FBXL20: variants seen among roughly 807,000 people sequenced by gnomAD.
FBXL20 encodes the protein F-box/LRR-repeat protein 20.
In FBXL20, 11 loss-of-function variants were observed where a neutral mutation model predicts 64.0. The observed-to-expected ratio is 0.17, with a 90% CI of 0.11 to 0.28. FBXL20 has a LOEUF of 0.28. Ranked by LOEUF, FBXL20 falls within the 10% of genes least tolerant of loss-of-function variation. FBXL20 has a pLI of 1.00. For missense variants in FBXL20, 303 were observed against 526.2 expected (o/e 0.58, Z 4.15); for synonymous variants, 184 against 189.0 (o/e 0.97, Z 0.22).
intron 7 of FBXL20, among the ~76,000 whole-genome samples, 183 bp from the exon 8 acceptor site, chr17:39,283,038 A>G (rs1168161135): frequency 6.6e-6 from 1 of 152,228 alleles, no homozygotes; most frequent in East Asian, 1.9e-4. Flanking sequence ...GGACTATACC[A>G]TTAGCAGGAA....
chr17:39,390,744 GATAA>G (rs764148072), intron 1 of FBXL20, among the ~76,000 whole-genome samples: 11 of 151,962 alleles, frequency 7.2e-5, no homozygotes, highest in Non-Finnish European at 1.6e-4. Flanking sequence ...AACTGAGTCA[GATAA>G]ATAAAGAGGT....
At chr17:39,304,627 T>C (rs1207820467) in intron 2 of FBXL20, among the ~76,000 whole-genome samples, 1 of 152,126 alleles carries the variant, frequency 6.6e-6, no homozygotes, top group East Asian at 1.9e-4. Flanking sequence ...GTCTTGCTCC[T>C]GTCACCCAGG....
At chr17:39,401,021 A>G (rs1014690505) in intron 1 of FBXL20, among the ~76,000 whole-genome samples, 12 of 152,224 alleles carry the variant, frequency 7.9e-5, no homozygotes, top group Non-Finnish European at 1.6e-4. Context: ...GCTCTGGTGG[A>G]CCGGAGCCGT....
Position 39,285,632 on chromosome 17 carries a change from A to G in FBXL20, c.399-59T>C. ...AACAAGACAAGTACACATCCTTGGT[A>G]TATCAGACACTGTTCTTATTAAACA... is the stretch of plus-strand genomic sequence containing the variant. On this transcript the variant is annotated intron_variant, in intron 6 of 14. Transcript: ENST00000264658. 3.6e-6 allele frequency: 4 copies of G among 1,119,054 alleles called. No homozygotes were observed. In the South Asian group the frequency reaches 4.6e-5, roughly 13 times the overall value. 69.3% of individuals were successfully genotyped at this position (1,119,054 alleles called of 1,614,324 possible).
chr17:39,341,354 C>A lies in FBXL20; in HGVS notation c.104+1826G>T, dbSNP rs368299678. Among the ~76,000 whole-genome samples the A allele has an allele frequency of 8.0e-4, 122 of 152,232 alleles. 1 individual carries two copies. Among genetic ancestry groups the A allele is most frequent in the African/African-American group, 2.9e-3 (119 of 41,540 alleles). On this transcript the variant is annotated intron_variant, in intron 2 of 14. Coordinates refer to ENST00000264658, the MANE Select transcript of FBXL20 (RefSeq NM_032875.3). Reference sequence around the variant, plus strand: ...ATATAAGAGTTATTCCAATATAACACATATAAATCCAAATCAAGCTCTCAA... The same window carrying A: ...ATATAAGAGTTATTCCAATATAACAAATATAAATCCAAATCAAGCTCTCAA...
chr17:39,353,595 A>G (rs529343094), intron 1 of FBXL20, among the ~76,000 whole-genome samples: 1 of 129,578 alleles, frequency 7.7e-6, no homozygotes, highest in African/African-American at 2.8e-5. Flanking sequence ...GGAGACCACT[A>G]CACCTTATTT....
At chr17:39,281,083 T>G (rs2046946179) in intron 9 of FBXL20, among the ~76,000 whole-genome samples, 1 of 152,224 alleles carries the variant, frequency 6.6e-6, no homozygotes, top group Non-Finnish European at 1.5e-5. Context: ...TTTTAAATAC[T>G]AAACTTGTGA....
At chr17:39,387,140 GTGA>G (rs1321359260) in intron 1 of FBXL20, among the ~76,000 whole-genome samples, 5 of 152,150 alleles carry the variant, frequency 3.3e-5, no homozygotes, top group Non-Finnish European at 5.9e-5. Flanking sequence ...TAAGTTACAT[GTGA>G]TATTTAACAT....
At chr17:39,371,671 T>C (rs2047919865) in intron 1 of FBXL20, among the ~76,000 whole-genome samples, 1 of 151,948 alleles carries the variant, frequency 6.6e-6, no homozygotes, top group Non-Finnish European at 1.5e-5. Flanking sequence ...TTTCTTTTTT[T>C]TTTTTTTGAG....
chr17:39,318,812 CTCT>C lies in FBXL20; in HGVS notation c.105-15176_105-15174del, dbSNP rs1184069912. On this transcript the variant is annotated intron_variant, in intron 2 of 14. Transcript: ENST00000264658. Reference sequence around the variant, plus strand: ...GCTGAAATAGTTCATAAGCAACTTCCTCTTCTTCTTAAATAAACCCAGAAACTC... The same window carrying C: ...GCTGAAATAGTTCATAAGCAACTTCCTCTTCTTAAATAAACCCAGAAACTC... Among the ~76,000 whole-genome samples, 7 of 152,094 alleles carry C rather than the reference CTCT, an allele frequency of 4.6e-5. No homozygotes were observed. The South Asian group carries it at 1.2e-3, about 27-fold the overall frequency.
intron 1 of FBXL20, among the ~76,000 whole-genome samples, chr17:39,396,339 T>C (rs2048182684): frequency 6.6e-6 from 1 of 152,128 alleles, no homozygotes; most frequent in Non-Finnish European, 1.5e-5. Flanking sequence ...CTCACATCTG[T>C]AATCCCAGCA....
At chr17:39,275,919 G>C (rs2046886415) in intron 9 of FBXL20, among the ~76,000 whole-genome samples, 1 of 152,018 alleles carries the variant, frequency 6.6e-6, no homozygotes, top group Non-Finnish European at 1.5e-5. Flanking sequence ...AGATAAAAGA[G>C]TTGTATCTAA....
intron 1 of FBXL20, among the ~76,000 whole-genome samples, chr17:39,392,187 C>A (rs907113500): frequency 2.6e-5 from 4 of 152,054 alleles, no homozygotes; most frequent in Non-Finnish European, 4.4e-5. Flanking sequence ...TGCCTATAAT[C>A]CCAGCACTTT....
At chr17:39,336,654 T>C (rs2144554287) in intron 2 of FBXL20, among the ~76,000 whole-genome samples, 1 of 152,000 alleles carries the variant, frequency 6.6e-6, no homozygotes, top group Non-Finnish European at 1.5e-5. Context: ...TGAAACCCCA[T>C]CTCTACTAAA....
In FBXL20 at chr17:39,264,348, G is replaced by C; in HGVS notation, c.1030C>G (p.Arg344Gly). 1 of 1,613,840 alleles carries C rather than the reference G, an allele frequency of 6.2e-7. No individual in the cohort carries two copies. The highest frequency in any genetic ancestry group is 8.5e-7 in the Non-Finnish European group (1 of 1,180,032). Residue 344 changes from arginine (R) to glycine (G), a missense_variant, in exon 14 of 15, where the codon CGT (arginine) becomes GGT (glycine). By Grantham distance (125) the Arg-to-Gly change is moderately radical. Around this residue, in one of 3 missense-constraint regions of FBXL20, gnomAD observed 246 missense variants for 422.6 expected, o/e 0.58. Transcript: ENST00000264658. ...HCELITDDGI[R>G]HLGNGACAHD... Reference sequence around the variant, plus strand: ...GCGCAGGCCCCATTCCCCAGGTGACGAATTCCATCATCTGTGATCAGCTCA... The same window carrying C: ...GCGCAGGCCCCATTCCCCAGGTGACCAATTCCATCATCTGTGATCAGCTCA...
chr17:39,344,840 T>C (rs1481971747), intron 1 of FBXL20, among the ~76,000 whole-genome samples: 3 of 152,158 alleles, frequency 2.0e-5, no homozygotes, highest in Non-Finnish European at 4.4e-5. Context: ...TGTTTATATA[T>C]TGTGCAGAAA....
intron 1 of FBXL20, among the ~76,000 whole-genome samples, chr17:39,400,749 G>A (rs1388616356): frequency 6.6e-6 from 1 of 152,152 alleles, no homozygotes; most frequent in Non-Finnish European, 1.5e-5. Context: ...CAATCTCAAA[G>A]CATGTAGACA....
At chr17:39,384,867 G>A (rs887363870) in intron 1 of FBXL20, among the ~76,000 whole-genome samples, 1 of 151,834 alleles carries the variant, frequency 6.6e-6, no homozygotes, top group Non-Finnish European at 1.5e-5. Flanking sequence ...GGATAATCAC[G>A]TGAACCTGAG....
At chr17:39,317,677 G>GTT (rs930367907) in intron 2 of FBXL20, among the ~76,000 whole-genome samples, 4 of 115,144 alleles carry the variant, frequency 3.5e-5, no homozygotes, top group South Asian at 3.6e-4. Context: ...GTTTGACTTT[G>GTT]TTTTTTTTTT....
Sources: allele counts gnomAD v4.1 joint callset (sites outside exome capture counted in the v4.1 genomes callset), GRCh38; gene constraint gnomAD v4.1.1; regional missense constraint gnomAD v4.1.1; transcripts MANE v1.5; gene names NCBI Gene and HGNC (gene_info 2026-07-23, HGNC 2026-07-21).